AOPEP: variants seen among roughly 807,000 people sequenced by gnomAD.
The protein encoded by AOPEP is aminopeptidase O.
AOPEP carries 77 observed loss-of-function variants against 98.1 expected under a neutral mutation model. The observed-to-expected ratio is 0.78, with a 90% CI of 0.65 to 0.95. The LOEUF is 0.95. AOPEP is among the 40% of genes least tolerant of loss of function. The probability of loss-of-function intolerance (pLI) is 0.00; values close to 1 mark genes in which losing one functional copy is unlikely to be tolerated. For missense variants in AOPEP, 1,024 were observed against 1,024.7 expected, an observed-to-expected ratio of 1.00 and a Z score of 0.01; for synonymous variants, 346 against 365.3, an observed-to-expected ratio of 0.95 and a Z score of 0.60.
intron 1 of AOPEP, among the ~76,000 whole-genome samples, chr9:94,744,701 CAAAAA>C (rs757571360): frequency 3.6e-5 from 2 of 56,068 alleles, no homozygotes; most frequent in African/African-American, 6.0e-5. Flanking sequence ...GACTCTGTCT[CAAAAA>C]AAAAAAAAAA....
intron 14 of AOPEP, among the ~76,000 whole-genome samples, chr9:95,073,040 G>A (rs72752310): frequency 1.2e-3 from 180 of 152,326 alleles, no homozygotes; most frequent in Non-Finnish European, 2.2e-3. Context: ...CAAATGGTTT[G>A]CAGGATTCCC....
chr9:94,753,634 A>T (rs906858116), intron 1 of AOPEP, among the ~76,000 whole-genome samples: 6 of 152,258 alleles, frequency 3.9e-5, no homozygotes, highest in Non-Finnish European at 7.3e-5. Context: ...TGTAATTGTG[A>T]TAAATGTAAA....
chr9:94,766,320 CA>C (rs1372797164), intron 2 of AOPEP, among the ~76,000 whole-genome samples: 1 of 152,186 alleles, frequency 6.6e-6, no homozygotes, highest in Non-Finnish European at 1.5e-5. Context: ...GGGTGAATCA[CA>C]AGGTCAGGAG....
At chr9:94,782,484 G>GCAAAAAAA (rs1843511931) in intron 3 of AOPEP, among the ~76,000 whole-genome samples, 1 of 152,182 alleles carries the variant, frequency 6.6e-6, no homozygotes, top group Non-Finnish European at 1.5e-5. Context: ...CTTTGTGTGG[G>GCAAAAAAA]AAATTCCAGG....
At chr9:95,069,151 A>T (rs1157856084) in intron 14 of AOPEP, among the ~76,000 whole-genome samples, 1 of 152,236 alleles carries the variant, frequency 6.6e-6, no homozygotes, top group African/African-American at 2.4e-5. Context: ...TTTATCCTCA[A>T]TGCCCAATCG....
chr9:94,832,314 A>T (rs35326113), intron 5 of AOPEP, among the ~76,000 whole-genome samples: 53 of 152,218 alleles, frequency 3.5e-4, no homozygotes, highest in Admixed American at 1.2e-3. Context: ...TTATGAAAAG[A>T]TGTTCAACTT....
the AOPEP span, chr9:95,110,270 T>A: frequency 2.0e-6 from 2 of 1,010,720 alleles, no homozygotes; most frequent in Non-Finnish European, 2.4e-6. Context: ...TCAAAAGTGA[T>A]TCTCTGTCAG....
chr9:95,087,503 AAAAAAAG>A (rs1266252923), downstream of AOPEP, among the ~76,000 whole-genome samples: 1 of 146,026 alleles, frequency 6.8e-6, no homozygotes, highest in Non-Finnish European at 1.5e-5. Flanking sequence ...AAAAAAAAAA[AAAAAAAG>A]CACGTACAAG....
intron 7 of AOPEP, chr9:94,931,943 A>C (rs1232258264): frequency 8.8e-7 from 1 of 1,142,188 alleles, no homozygotes; most frequent in East Asian, 2.7e-5. Flanking sequence ...CAAGGCTCAG[A>C]AAGACTGAGT....
At chr9:94,793,593 C>G (rs1021689471) in intron 4 of AOPEP, among the ~76,000 whole-genome samples, 2 of 151,634 alleles carry the variant, frequency 1.3e-5, no homozygotes, top group Non-Finnish European at 2.9e-5. Context: ...AGGAGAATTG[C>G]TTGAACCTGG....
chr9:95,057,607 G>A (rs539026853), intron 13 of AOPEP, among the ~76,000 whole-genome samples: 4 of 152,308 alleles, frequency 2.6e-5, no homozygotes, highest in Non-Finnish European at 2.9e-5. Context: ...TCTTTTTAAG[G>A]TCTATTATCT....
chr9:95,098,605 G>T, the AOPEP span, among the ~76,000 whole-genome samples: 1 of 152,152 alleles, frequency 6.6e-6, no homozygotes, highest in African/African-American at 2.4e-5. Flanking sequence ...GGCGCTGCTC[G>T]CCTTGGCCGC....
the AOPEP span, among the ~76,000 whole-genome samples, chr9:95,093,397 G>C: frequency 6.6e-6 from 1 of 152,146 alleles, no homozygotes; most frequent in Non-Finnish European, 1.5e-5. Context: ...GCACCACCAC[G>C]GTGACTACGG....
chr9:94,826,699 AATG>A (rs1486980269), intron 5 of AOPEP, among the ~76,000 whole-genome samples: 1 of 152,064 alleles, frequency 6.6e-6, no homozygotes, highest in Admixed American at 6.5e-5. Flanking sequence ...ATGTGATAAT[AATG>A]ATGGTGGTGG....
chr9:94,778,087 A>G (rs755963653), intron 3 of AOPEP, among the ~76,000 whole-genome samples: 32 of 152,368 alleles, frequency 2.1e-4, no homozygotes, highest in Admixed American at 6.5e-4. Context: ...AATTAAAACC[A>G]TAATGAGATA....
chr9:95,045,047 C>T (rs572481639), intron 13 of AOPEP, among the ~76,000 whole-genome samples: 2 of 152,286 alleles, frequency 1.3e-5, no homozygotes, highest in African/African-American at 4.8e-5. Context: ...AGAAAGGGCG[C>T]GCCAAGGACG....
the AOPEP span, among the ~76,000 whole-genome samples, chr9:95,106,351 T>C: frequency 1.3e-5 from 2 of 152,270 alleles, no homozygotes; most frequent in African/African-American, 4.8e-5. Context: ...TCCTTATGTA[T>C]TCTGAATACT....
At chr9:94,831,848 A>G (rs1856041204) in intron 5 of AOPEP, among the ~76,000 whole-genome samples, 1 of 152,122 alleles carries the variant, frequency 6.6e-6, no homozygotes, top group Non-Finnish European at 1.5e-5. Context: ...GGAGAACTAC[A>G]AACCACTGCT....
At chr9:95,072,523 C>T (rs1017789403) in intron 14 of AOPEP, among the ~76,000 whole-genome samples, 4 of 152,096 alleles carry the variant, frequency 2.6e-5, no homozygotes, top group African/African-American at 7.2e-5. Context: ...GTCCCAGCTA[C>T]TGGGGAGGCT....
Sources: allele counts gnomAD v4.1 joint callset (sites outside exome capture counted in the v4.1 genomes callset), GRCh38; gene constraint gnomAD v4.1.1; transcripts MANE v1.5; gene names NCBI Gene and HGNC (gene_info 2026-07-23, HGNC 2026-07-21).